Variants in STARD9 observed in about 807,000 individuals in gnomAD.
STARD9 encodes the protein StAR related lipid transfer domain containing 9.
Under a neutral mutation model 399.8 loss-of-function variants are expected in STARD9, and 346 were observed. That is an observed-to-expected ratio of 0.87 (90% CI 0.79 to 0.95). The LOEUF is 0.95. Ranked by LOEUF, STARD9 falls within the 40% of genes least tolerant of loss-of-function variation. STARD9 has a pLI of 0.00. For synonymous variants in STARD9, 2,203 were observed against 2,143.5 expected (o/e 1.03, Z -0.77); for missense variants, 5,832 against 5,667.5 (o/e 1.03, Z -0.93).
chr15:42,719,447 T>A, intron 32 of STARD9, 26 bp from the exon 33 acceptor site: 1 of 1,473,782 alleles, frequency 6.8e-7, no homozygotes, highest in Non-Finnish European at 9.2e-7. Context: ...TATTTGCACC[T>A]TAAATTCTTC....
chr15:42,595,999 A>C (rs1302452880), intron 3 of STARD9, among the ~76,000 whole-genome samples: 1 of 152,238 alleles, frequency 6.6e-6, no homozygotes. Context: ...CATCTGAAAG[A>C]CAGAGATTCT....
chr15:42,577,206 T>C (rs1566845039), intron 1 of STARD9, among the ~76,000 whole-genome samples: 1 of 152,142 alleles, frequency 6.6e-6, no homozygotes, highest in Admixed American at 6.5e-5. Context: ...CAGGCTGGCG[T>C]TGAGTGGCGC....
Position 42,619,955 on chromosome 15 carries a change from G to T in STARD9, c.235-14901G>T, listed in dbSNP as rs1434067524. ...CGAGAGGCCTTTATTCAGATCAGCA[G>T]GAGGGGTTTCCTCCAGTAGGATTGT... On this transcript the variant is annotated intron_variant, in intron 3 of 32. Coordinates refer to ENST00000290607, the MANE Select transcript of STARD9 (RefSeq NM_020759.3). Among the ~76,000 whole-genome samples the T allele has an allele frequency of 3.9e-5, 6 of 152,222 alleles. No individual in the cohort carries two copies. In the East Asian group the frequency reaches 1.2e-3, roughly 29 times the overall value.
At chr15:42,715,243 TG>T (rs1401564819) in intron 26 of STARD9, among the ~76,000 whole-genome samples, 1 of 152,212 alleles carries the variant, frequency 6.6e-6, no homozygotes, top group Non-Finnish European at 1.5e-5. Flanking sequence ...TGGACCTTGG[TG>T]ACTGCTGTTT....
Position 42,693,370 on chromosome 15 carries a change from A to T in STARD9, c.11792A>T (p.His3931Leu), listed in dbSNP as rs1398757555. Residue 3931 changes from histidine to leucine, a missense_variant, in exon 23 of 33, where the codon CAC becomes CTC. Coordinates refer to ENST00000290607, the MANE Select transcript of STARD9 (RefSeq NM_020759.3). ...SAPSTHPVEGHQKLDSSPDPV... is the reference protein window; with the variant it reads ...SAPSTHPVEGLQKLDSSPDPV... The stretch of plus-strand genomic sequence containing the variant: ...CCTTCAACTCACCCTGTTGAAGGCC[A>T]CCAGAAGCTTGACTCCAGCCCAGAC... 6.5e-7 allele frequency: 1 copy of T among 1,537,098 alleles called. No homozygotes were observed. The highest frequency in any genetic ancestry group is 8.7e-7 in the Non-Finnish European group (1 of 1,146,872).
At chr15:42,604,216 T>G (rs1195861863) in intron 3 of STARD9, among the ~76,000 whole-genome samples, 1 of 152,266 alleles carries the variant, frequency 6.6e-6, no homozygotes, top group African/African-American at 2.4e-5. Context: ...TCATGATTTT[T>G]GCAAAGGCAG....
chr15:42,692,494 A>G lies in STARD9; in HGVS notation c.10916A>G (p.Glu3639Gly). The G allele has an allele frequency of 6.5e-7, 1 of 1,537,154 alleles. No individual in the cohort carries two copies. Among genetic ancestry groups the G allele is most frequent in the South Asian group, 1.2e-5 (1 of 84,056 alleles). Residue 3639 changes from glutamate (E) to glycine (G), a missense_variant, in exon 23 of 33, where the codon GAA becomes GGA. Physicochemically the swap from Glu to Gly is moderately conservative, Grantham distance 98. This residue lies in a region of STARD9 where 5,828 missense variants were observed against 5,651.1 expected (regional missense o/e 1.03). Coordinates refer to ENST00000290607, the MANE Select transcript of STARD9 (RefSeq NM_020759.3). ...GGACAGACCAGGACGAACACATTCG[A>G]ACAGGGCACACAGACCCTCGGCAGC... ...PVGQTRTNTF[E>G]QGTQTLGSRR...
chr15:42,706,216 T>C (rs1004490662), intron 26 of STARD9, among the ~76,000 whole-genome samples: 3 of 152,204 alleles, frequency 2.0e-5, no homozygotes, highest in Non-Finnish European at 4.4e-5. Context: ...GCTTTCTTTT[T>C]ATGTTTTTAA....
chr15:42,639,444 C>T (rs374657020), intron 7 of STARD9, among the ~76,000 whole-genome samples: 3 of 152,244 alleles, frequency 2.0e-5, no homozygotes, highest in African/African-American at 7.2e-5. Flanking sequence ...GTTTCCTAAC[C>T]AAATACTGGT....
intron 26 of STARD9, among the ~76,000 whole-genome samples, chr15:42,716,121 G>A (rs2061344949): frequency 6.6e-6 from 1 of 152,166 alleles, no homozygotes; most frequent in Admixed American, 6.5e-5. Context: ...TCCTATTGTT[G>A]AGGAGCTTGC....
In STARD9 at chr15:42,692,759, T is replaced by C. The variant is rs1714867445; in HGVS notation, c.11181T>C (p.Ser3727=). ...KAPQALMMDG[S]TQTTVDEGSQ... Reference sequence around the variant, plus strand: ...CACAGGCCCTGATGATGGATGGCTCTACTCAGACCACTGTGGATGAGGGCA... The same window carrying C: ...CACAGGCCCTGATGATGGATGGCTCCACTCAGACCACTGTGGATGAGGGCA... Residue 3727 remains serine (S), a synonymous_variant, in exon 23 of 33, where the codon TCT becomes TCC. Coordinates refer to ENST00000290607, the MANE Select transcript of STARD9 (RefSeq NM_020759.3). The C allele has an allele frequency of 6.5e-7, 1 of 1,537,138 alleles. No homozygotes were observed.
rs1367457291 is a variant in STARD9 at position 42,669,279 on chromosome 15, A to C, written c.1439A>C (p.His480Pro). ...GTGGTCATCGACTCCAGCCTGCCAC[A>C]CTTGATGGCCTTGGAGGATGATGTG... ...AGVVIDSSLP[H>P]LMALEDDVLS... Residue 480 changes from histidine (H) to proline (P), a missense_variant, in exon 16 of 33, where the codon CAC becomes CCC. By Grantham distance (77) the His-to-Pro change is moderately conservative. This residue lies in a region of STARD9 where 5,828 missense variants were observed against 5,651.1 expected (regional missense o/e 1.03). Coordinates refer to ENST00000290607, the MANE Select transcript of STARD9 (RefSeq NM_020759.3). The C allele has an allele frequency of 6.5e-7, 1 of 1,536,982 alleles. No homozygotes were observed. Among genetic ancestry groups the C allele is most frequent in the East Asian group, 2.4e-5 (1 of 40,910 alleles).
chr15:42,631,605 T>A (rs2059334032), intron 3 of STARD9, among the ~76,000 whole-genome samples: 1 of 151,936 alleles, frequency 6.6e-6, no homozygotes, highest in African/African-American at 2.4e-5. Context: ...AATTTTAAAA[T>A]TTTCTTCTTA....
intron 20 of STARD9, among the ~76,000 whole-genome samples, chr15:42,679,190 T>A (rs1168599312): frequency 6.6e-6 from 1 of 152,252 alleles, no homozygotes; most frequent in African/African-American, 2.4e-5. Flanking sequence ...GATGGGCTCA[T>A]GTTTGTAATT....
chr15:42,698,789 C>T (rs1395829233), intron 26 of STARD9, among the ~76,000 whole-genome samples: 1 of 151,706 alleles, frequency 6.6e-6, no homozygotes, highest in African/African-American at 2.4e-5. Flanking sequence ...ATCTTTGTTC[C>T]TTTTGGAGTC....
chr15:42,682,348 C>G lies in STARD9; in HGVS notation c.2310C>G (p.Phe770Leu). The change falls in exon 22 of 33, where the codon TTC (phenylalanine) becomes TTG (leucine). Residue 770 changes from phenylalanine to leucine, a missense_variant. Transcript: ENST00000290607. ...ERNVRRKKVSFQLERIIKKQR... is the reference protein window; with the variant it reads ...ERNVRRKKVSLQLERIIKKQR... The stretch of plus-strand genomic sequence containing the variant: ...ATGTCCGGCGGAAAAAGGTCTCATT[C>G]CAGCTAGAGAGAATCATCAAAAAGC... 1 of 1,537,276 alleles carries G rather than the reference C, an allele frequency of 6.5e-7. No individual in the cohort carries two copies. Among genetic ancestry groups the G allele is most frequent in the Non-Finnish European group, 8.7e-7 (1 of 1,146,914 alleles).
chr15:42,678,209 C>A (rs1305520042), intron 20 of STARD9, among the ~76,000 whole-genome samples: 3 of 152,180 alleles, frequency 2.0e-5, no homozygotes, highest in African/African-American at 7.2e-5. Context: ...ACCTGCACGA[C>A]TAGAGAAAAA....
rs2060652149 is a variant in STARD9 at position 42,689,974 on chromosome 15, A to T, written c.8396A>T (p.Asn2799Ile). 7 of 1,537,588 alleles carry T rather than the reference A, an allele frequency of 4.6e-6. No homozygotes were observed. In the East Asian group the frequency reaches 1.5e-4, roughly 32 times the overall value. The change falls in exon 23 of 33, where the codon AAT becomes ATT. Residue 2799 changes from asparagine (N) to isoleucine (I), a missense_variant. This residue lies in a region of STARD9 where 5,828 missense variants were observed against 5,651.1 expected (regional missense o/e 1.03). Transcript: ENST00000290607. ...LDTTYGEVSD[N>I]LLVTAQGEKT... is the part of the protein sequence containing the mutation. Reference sequence around the variant, plus strand: ...ACCACATATGGAGAAGTTTCAGATAATTTGTTAGTGACTGCACAGGGAGAA... The same window carrying T: ...ACCACATATGGAGAAGTTTCAGATATTTTGTTAGTGACTGCACAGGGAGAA...
rs2060815650 is a variant in STARD9 at position 42,695,192 on chromosome 15, A to G, written c.13015A>G (p.Met4339Val). The G allele has an allele frequency of 6.5e-7, 1 of 1,537,168 alleles. No individual in the cohort carries two copies. The change falls in exon 25 of 33, where the codon ATG becomes GTG. Residue 4339 changes from methionine to valine, a missense_variant. By Grantham distance (21) the Met-to-Val change is conservative. Around this residue, in one of 2 missense-constraint regions of STARD9, gnomAD observed 5,828 missense variants for 5,651.1 expected, o/e 1.03. Coordinates refer to ENST00000290607, the MANE Select transcript of STARD9 (RefSeq NM_020759.3). ...SAHTPSDIEL[M>V]LQDYQQAHEE... ...TCACACACCCTCTGACATAGAGTTG[A>G]TGCTGCAAGACTACCAGCAGGCCCA...
Sources: gnomAD v4.1 joint callset for allele counts (sites outside exome capture counted in the v4.1 genomes callset) on GRCh38, gnomAD v4.1.1 for gene constraint, gnomAD v4.1.1 regional missense constraint, MANE v1.5 for transcripts, NCBI Gene and HGNC (gene_info 2026-07-23, HGNC 2026-07-21) for gene names.